Variants in PCDHA9 observed in about 807,000 individuals in gnomAD.
The protein encoded by PCDHA9 is protocadherin alpha-9.
A neutral mutation model predicts 62.0 loss-of-function variants in PCDHA9; 62 were observed. The ratio of observed to expected loss-of-function variants is 1.00; its 90% confidence interval spans 0.81 to 1.23. The LOEUF (loss-of-function observed/expected upper bound fraction) is 1.23, where lower values mean the gene tolerates loss of function less well. Ranked by LOEUF, PCDHA9 falls within the 50% of genes most tolerant of loss-of-function variation. The pLI is 0.00. For synonymous variants in PCDHA9, 557 were observed against 567.6 expected, an observed-to-expected ratio of 0.98 and a Z score of 0.27; for missense variants, 1,205 against 1,249.8, an observed-to-expected ratio of 0.96 and a Z score of 0.54.
intron 3 of PCDHA9, among the ~76,000 whole-genome samples, chr5:140,999,698 T>C (rs903538308): frequency 2.0e-5 from 3 of 152,192 alleles, no homozygotes; most frequent in Non-Finnish European, 4.4e-5. Flanking sequence ...ATGTGATTTT[T>C]TTTTAGCTAA....
intron 1 of PCDHA9, among the ~76,000 whole-genome samples, chr5:140,964,926 A>G (rs2095863338): frequency 6.6e-6 from 1 of 152,212 alleles, no homozygotes; most frequent in African/African-American, 2.4e-5. Flanking sequence ...CTGGCTAGGT[A>G]GTGGAGCATT....
intron 1 of PCDHA9, chr5:140,928,846 C>A: frequency 1.2e-6 from 2 of 1,614,192 alleles, no homozygotes; most frequent in Non-Finnish European, 1.7e-6. Context: ...CTCTGTCACT[C>A]TGGGTGTGCT....
intron 1 of PCDHA9, chr5:140,857,039 G>A: frequency 6.3e-7 from 1 of 1,595,752 alleles, no homozygotes; most frequent in Non-Finnish European, 8.6e-7. Context: ...ACCTATGGTT[G>A]GTCACTGCAC....
At position 140,967,262 on chromosome 5, in the gene PCDHA9, C is replaced by T; in HGVS notation, c.2395-11687C>T. ...AAGCGAATCGGTGGCGCCTGGAGCG[C>T]GCTTTCACATAGAGAGTGCGCAGGA... On this transcript the variant is annotated intron_variant, in intron 1 of 3. Transcript: ENST00000532602. The T allele has an allele frequency of 1.9e-6, 3 of 1,613,522 alleles. No homozygotes were observed. In the South Asian group the frequency reaches 3.3e-5, roughly 18 times the overall value.
intron 1 of PCDHA9, chr5:140,969,386 C>T (rs782109093): frequency 2.5e-6 from 4 of 1,596,966 alleles, no homozygotes; most frequent in South Asian, 1.1e-5. Flanking sequence ...TACACATCCC[C>T]CAATATCCTG....
At chr5:140,906,829 C>T (rs2072974984) in intron 1 of PCDHA9, among the ~76,000 whole-genome samples, 1 of 152,244 alleles carries the variant, frequency 6.6e-6, no homozygotes, top group Non-Finnish European at 1.5e-5. Context: ...GAGTAGTAGA[C>T]TGATTTCATC....
chr5:141,005,701 C>CAAAAAA (rs59860837), intron 3 of PCDHA9, among the ~76,000 whole-genome samples: 13 of 7,792 alleles, frequency 1.7e-3, no homozygotes, highest in East Asian at 3.2e-3. Context: ...AACTCCGTCT[C>CAAAAAA]AAAAAAAAAA....
intron 1 of PCDHA9, among the ~76,000 whole-genome samples, chr5:140,971,749 CAT>C (rs143190557): frequency 0.047 from 7,111 of 152,104 alleles, 190 homozygotes; most frequent in Non-Finnish European, 0.062. Context: ...ACATATATCT[CAT>C]ATTACTGAAT....
chr5:140,856,340 A>G (rs1554148561), intron 1 of PCDHA9: 1 of 1,598,438 alleles, frequency 6.3e-7, no homozygotes, highest in Non-Finnish European at 8.6e-7. Flanking sequence ...GTGCGGGCGG[A>G]GCGTGGAGTG....
intron 2 of PCDHA9, among the ~76,000 whole-genome samples, chr5:140,981,353 C>G (rs551731316): frequency 6.6e-6 from 1 of 152,048 alleles, no homozygotes; most frequent in East Asian, 1.9e-4. Context: ...GCAGGTGGAT[C>G]ACTTGAGGTC....
At chr5:140,969,359 C>A (rs1554231722) in intron 1 of PCDHA9, 2 of 1,611,118 alleles carry the variant, frequency 1.2e-6, no homozygotes, top group Admixed American at 3.4e-5. Flanking sequence ...GGGTCTTCTA[C>A]AAACTCATGC....
intron 1 of PCDHA9, chr5:140,852,686 T>G: frequency 1.0e-6 from 1 of 969,714 alleles, no homozygotes; most frequent in Non-Finnish European, 1.2e-6. Context: ...TTGAATATAG[T>G]CTTATACTTT....
At chr5:140,966,489 C>T in intron 1 of PCDHA9, 1 of 440,146 alleles carries the variant, frequency 2.3e-6, no homozygotes, top group Non-Finnish European at 3.9e-6. Flanking sequence ...TTCCCTCCCC[C>T]TGGAGCTGTA....
rs2150476590 is a variant in PCDHA9, at chr5:140,850,267, T to G, written c.1772T>G (p.Val591Gly). The G allele has an allele frequency of 4.4e-6, 7 of 1,592,494 alleles. 2 individuals carry two copies. Among genetic ancestry groups the G allele is most frequent in the Non-Finnish European group, 6.0e-6 (7 of 1,166,766 alleles). Residue 591 changes from valine to glycine, a missense_variant, in exon 1 of 4, where the codon GTG becomes GGG. Val to Gly is a moderately radical substitution (Grantham distance 109). This residue lies in a region of PCDHA9 where 887 missense variants were observed against 809.5 expected (regional missense o/e 1.10). Coordinates refer to ENST00000532602, the MANE Select transcript of PCDHA9 (RefSeq NM_031857.2). ...CGGTCGGTGGGCGCCGGCGTAGTGG[T>G]GGGGAAGGTGCGCGCAGTGGACGCC... Reference protein sequence around the residue: ...VLRSVGAGVVVGKVRAVDADS... With the variant: ...VLRSVGAGVVGGKVRAVDADS...
At chr5:140,894,957 T>C (rs530563833) in intron 1 of PCDHA9, among the ~76,000 whole-genome samples, 1 of 152,206 alleles carries the variant, frequency 6.6e-6, no homozygotes, top group African/African-American at 2.4e-5. Flanking sequence ...ATGATAAAAA[T>C]ATAATTTTTT....
At chr5:140,942,619 T>A in intron 1 of PCDHA9, among the ~76,000 whole-genome samples, 1 of 148,900 alleles carries the variant, frequency 6.7e-6, no homozygotes. Context: ...TTGCCAATTG[T>A]AAAAAAAAAA....
chr5:140,999,687 A>G (rs1554256930), intron 3 of PCDHA9, among the ~76,000 whole-genome samples: 2 of 152,044 alleles, frequency 1.3e-5, no homozygotes, highest in Non-Finnish European at 2.9e-5. Flanking sequence ...AGAAAGAAGA[A>G]ATGTGATTTT....
chr5:140,947,402 T>C (rs550043631), intron 1 of PCDHA9, among the ~76,000 whole-genome samples: 1 of 151,868 alleles, frequency 6.6e-6, no homozygotes, highest in East Asian at 1.9e-4. Context: ...AAGTAGACTG[T>C]CTTGATATTG....
At chr5:140,965,521 G>T (rs1554227745) in intron 1 of PCDHA9, among the ~76,000 whole-genome samples, 1 of 150,834 alleles carries the variant, frequency 6.6e-6, no homozygotes, top group African/African-American at 2.4e-5. Flanking sequence ...TAACTGCAAA[G>T]CATTAATGGA....
Sources: gnomAD v4.1 joint callset for allele counts (sites outside exome capture counted in the v4.1 genomes callset) on GRCh38, gnomAD v4.1.1 for gene constraint, gnomAD v4.1.1 regional missense constraint, MANE v1.5 for transcripts, NCBI Gene and HGNC (gene_info 2026-07-23, HGNC 2026-07-21) for gene names.